TNIP3: variants seen among roughly 807,000 people sequenced by gnomAD.
The protein encoded by TNIP3 is TNFAIP3-interacting protein 3.
In TNIP3, 34 loss-of-function variants were observed where a neutral mutation model predicts 54.1. That is an observed-to-expected ratio of 0.63 (90% confidence interval 0.48 to 0.84). The LOEUF (loss-of-function observed/expected upper bound fraction) is 0.84, where lower values mean the gene tolerates loss of function less well. Among genes scored for constraint, TNIP3 ranks in the 40% least tolerant of loss-of-function variants. The pLI is 0.00. For synonymous variants in TNIP3, 134 were observed against 136.8 expected (o/e 0.98, Z 0.14); for missense variants, 366 against 387.6 (o/e 0.94, Z 0.47).
At chr4:121,181,624 GGTGTGTGTGTGTGT>G (rs3028475) in intron 3 of TNIP3, among the ~76,000 whole-genome samples, 6 of 148,568 alleles carry the variant, frequency 4.0e-5, no homozygotes, top group African/African-American at 1.2e-4. Context: ...TAATAAGACA[GGTGTGTGTGTGTGT>G]GTGTGTGTGT....
intron 2 of TNIP3, among the ~76,000 whole-genome samples, chr4:121,186,445 G>A (rs1725024548): frequency 6.6e-6 from 1 of 152,160 alleles, no homozygotes; most frequent in Non-Finnish European, 1.5e-5. Context: ...ATATGCCTCA[G>A]AACTTGCATA....
At chr4:121,150,837 C>T (rs1404816558) in intron 5 of TNIP3, among the ~76,000 whole-genome samples, 4 of 152,352 alleles carry the variant, frequency 2.6e-5, no homozygotes, top group Middle Eastern at 6.8e-3. Context: ...CTGCCCTGGC[C>T]TAGCCACAGT....
chr4:121,222,725 T>A (rs1727078825), intron 1 of TNIP3, among the ~76,000 whole-genome samples: 1 of 152,060 alleles, frequency 6.6e-6, no homozygotes, highest in Non-Finnish European at 1.5e-5. Context: ...TAAATGTTAT[T>A]ATACATGTTA....
chr4:121,193,795 C>T (rs1725425762), intron 2 of TNIP3, among the ~76,000 whole-genome samples: 2 of 151,948 alleles, frequency 1.3e-5, no homozygotes, highest in African/African-American at 4.8e-5. Context: ...GATCATATGA[C>T]AAGATGCATT....
intron 2 of TNIP3, among the ~76,000 whole-genome samples, chr4:121,210,211 C>A (rs1178096340): frequency 1.3e-5 from 2 of 151,854 alleles, no homozygotes; most frequent in Non-Finnish European, 2.9e-5. Context: ...TTTCACCATC[C>A]TTTAATGAAT....
intron 3 of TNIP3, among the ~76,000 whole-genome samples, chr4:121,173,555 T>C (rs759505106): frequency 6.6e-6 from 1 of 152,240 alleles, no homozygotes; most frequent in Non-Finnish European, 1.5e-5. Flanking sequence ...TAGCTGCTGA[T>C]CATTTTATAG....
chr4:121,157,880 A>G (rs1424280942), intron 3 of TNIP3, among the ~76,000 whole-genome samples: 1 of 152,170 alleles, frequency 6.6e-6, no homozygotes, highest in Non-Finnish European at 1.5e-5. Flanking sequence ...ATCATCTTTA[A>G]CATTTACAGA....
chr4:121,131,750 C>G lies in TNIP3; in HGVS notation c.*881G>C, dbSNP rs1172590387. ...CTGGGCTCAAGTGATCCTCCCGCCT[C>G]AAGCCTCCTGAGTAGCTGGGTTTAT... On this transcript the variant is annotated 3_prime_UTR_variant, in exon 11 of 11. Coordinates refer to ENST00000057513, the MANE Select transcript of TNIP3 (RefSeq NM_024873.6). 6.6e-6 allele frequency: 1 copy of G among 151,866 alleles called. No individual in the cohort carries two copies. Among genetic ancestry groups the G allele is most frequent in the African/African-American group, 2.4e-5 (1 of 41,290 alleles). 9.4% of individuals were successfully genotyped at this position (151,866 alleles called of 1,614,324 possible). A position where few individuals can be genotyped will look rare whatever the true frequency, so the allele number is the denominator to read the frequency against.
At chr4:121,137,456 A>G (rs1728856104) in intron 10 of TNIP3, 1 of 152,454 alleles carries the variant, frequency 6.6e-6, no homozygotes, top group Non-Finnish European at 1.5e-5. Context: ...GTGTTTTGAT[A>G]AATACCTGGA....
At chr4:121,209,660 A>G (rs1317250985) in intron 2 of TNIP3, among the ~76,000 whole-genome samples, 1 of 152,180 alleles carries the variant, frequency 6.6e-6, no homozygotes, top group Non-Finnish European at 1.5e-5. Flanking sequence ...AATATCACAC[A>G]TATTTGTACC....
intron 3 of TNIP3, among the ~76,000 whole-genome samples, chr4:121,171,352 A>T (rs113525341): frequency 0.025 from 3,841 of 152,264 alleles, 160 homozygotes; most frequent in African/African-American, 0.086. Context: ...TTGATGGATT[A>T]AAAGAGGGGT....
chr4:121,186,759 A>G (rs1274528819), intron 2 of TNIP3, among the ~76,000 whole-genome samples: 1 of 152,234 alleles, frequency 6.6e-6, no homozygotes, highest in African/African-American at 2.4e-5. Flanking sequence ...AGTAGGAGCC[A>G]TAAATTTAGT....
chr4:121,160,772 G>A (rs754781987), intron 2 of TNIP3, among the ~76,000 whole-genome samples: 1 of 152,090 alleles, frequency 6.6e-6, no homozygotes, highest in Non-Finnish European at 1.5e-5. Flanking sequence ...TGAGTTTCAA[G>A]GTGTGTCAAG....
intron 2 of TNIP3, among the ~76,000 whole-genome samples, chr4:121,205,593 C>A: frequency 6.6e-6 from 1 of 151,836 alleles, no homozygotes; most frequent in African/African-American, 2.4e-5. Flanking sequence ...TTAAGAAGCT[C>A]TTGAAATTAT....
chr4:121,190,551 T>C (rs987432547), intron 2 of TNIP3, among the ~76,000 whole-genome samples: 1 of 152,088 alleles, frequency 6.6e-6, no homozygotes, highest in Non-Finnish European at 1.5e-5. Flanking sequence ...AATCCTATTC[T>C]GGGAAAAGGG....
intron 3 of TNIP3, among the ~76,000 whole-genome samples, chr4:121,173,828 A>C (rs1724135900): frequency 6.6e-6 from 1 of 152,158 alleles, no homozygotes; most frequent in South Asian, 2.1e-4. Flanking sequence ...GTGGAGCTTC[A>C]CCATGTTGGC....
At chr4:121,227,399 A>G (rs1560705235) in exon 1 of TNIP3, 11 of 1,535,178 alleles carry the variant, frequency 7.2e-6, no homozygotes, top group Non-Finnish European at 8.7e-6. Flanking sequence ...TTCTATCCTG[A>G]AAGTCCTTCT....
At chr4:121,206,504 A>AT (rs1313979302) in intron 2 of TNIP3, among the ~76,000 whole-genome samples, 1 of 151,316 alleles carries the variant, frequency 6.6e-6, no homozygotes, top group Non-Finnish European at 1.5e-5. Context: ...ATATAAATGT[A>AT]TTTAAAGGTG....
At chr4:121,170,077 G>A (rs1272048058) in intron 3 of TNIP3, among the ~76,000 whole-genome samples, 1 of 152,192 alleles carries the variant, frequency 6.6e-6, no homozygotes, top group Non-Finnish European at 1.5e-5. Flanking sequence ...CCTCTGTGAA[G>A]TCTCCCCTGG....
Sources: allele counts gnomAD v4.1 joint callset (sites outside exome capture counted in the v4.1 genomes callset), GRCh38; gene constraint gnomAD v4.1.1; transcripts MANE v1.5; gene names NCBI Gene and HGNC (gene_info 2026-07-23, HGNC 2026-07-21).